MAX: variants seen among roughly 807,000 people sequenced by gnomAD.
MAX encodes protein max.
In MAX, 3 loss-of-function variants were observed where a neutral mutation model predicts 22.3. The ratio of observed to expected loss-of-function variants is 0.13; its 90% confidence interval spans 0.06 to 0.35. The LOEUF is 0.35. MAX is among the 10% of genes least tolerant of loss of function. The pLI, the probability that MAX is intolerant of heterozygous loss-of-function variation, is 1.00. For missense variants in MAX, 119 were observed against 209.4 expected, an observed-to-expected ratio of 0.57 and a Z score of 2.66; for synonymous variants, 72 against 77.7, an observed-to-expected ratio of 0.93 and a Z score of 0.39.
chr14:65,066,225 TGTGATGCCGTGTGGCTCAGTGAGGCC>T (rs1375984147), intron 3 of MAX, among the ~76,000 whole-genome samples: 1 of 152,188 alleles, frequency 6.6e-6, no homozygotes, highest in Non-Finnish European at 1.5e-5. Context: ...ACCAGTGCAG[TGTGATGCCGTGTGGCTCAGTGAGGCC>T]GTGATGAGTC....
Position 65,058,256 on chromosome 14 carries a change from AT to A in MAX, c.171+35451del, listed in dbSNP as rs202128758. On this transcript the variant is annotated intron_variant, in intron 3 of 3. Transcript: ENST00000341653. ...ATAATTTTTTCCATAAAGGACTAGCATTTTTTTTTTTTCGGTTAGAGTTATG... is the reference window on the plus strand; with the variant it reads ...ATAATTTTTTCCATAAAGGACTAGCATTTTTTTTTTTCGGTTAGAGTTATG... Among the ~76,000 whole-genome samples, 692 of 127,430 alleles carry A rather than the reference AT, an allele frequency of 5.4e-3. 5 individuals carry two copies. The highest frequency in any genetic ancestry group is 0.017 in the East Asian group (76 of 4,468). The allele number at this position is 127,430 out of a possible 152,430, so 83.6% of individuals were successfully genotyped here.
rs1333318857 is a variant in MAX, at chr14:65,082,678, G to A, written c.172-4642C>T. ...GCTACTTGGGAGGCAAAGGTGGGAG[G>A]ATCTCTTGAGCCCATGGGGCTGAAG... On this transcript the variant is annotated intron_variant, in intron 3 of 4. Coordinates refer to ENST00000358664, the MANE Select transcript of MAX (RefSeq NM_002382.5). This position sits in a 1 kb window ranked among gnomAD's most constrained non-coding sequence, Gnocchi z 4.8. 1.3e-5 allele frequency among the ~76,000 whole-genome samples: 2 copies of A among 151,692 alleles called. No individual in the cohort carries two copies. The highest frequency in any genetic ancestry group is 1.9e-4 in the East Asian group (1 of 5,162).
intron 3 of MAX, among the ~76,000 whole-genome samples, chr14:65,024,153 A>G (rs2061938000): frequency 6.6e-6 from 1 of 152,032 alleles, no homozygotes; most frequent in South Asian, 2.1e-4. Context: ...CTACTGAATT[A>G]GAGCTGCAGT....
rs958411052 is a variant in MAX, at chr14:65,078,578, G to A, written c.172-542C>T. ...GTAGTCTCGCTCTGTTGCCCAGGCT[G>A]GAGTAGAGTGGTGTGATCTCAGCTC... On this transcript the variant is annotated intron_variant, in intron 3 of 4. Transcript: ENST00000358664. The surrounding 1 kb of genome is among the most constrained non-coding windows in gnomAD (Gnocchi z 6.4). Among the ~76,000 whole-genome samples, 6 of 150,578 alleles carry A rather than the reference G, an allele frequency of 4.0e-5. No individual in the cohort carries two copies. Among genetic ancestry groups the A allele is most frequent in the African/African-American group, 1.5e-4 (6 of 40,880 alleles).
intron 3 of MAX, among the ~76,000 whole-genome samples, chr14:65,086,135 C>T (rs946422924): frequency 1.1e-4 from 16 of 152,298 alleles, no homozygotes; most frequent in African/African-American, 3.8e-4. Context: ...CTTCTCCTTG[C>T]CTTCCACCAT....
At chr14:65,040,904 C>T (rs376359664) in intron 3 of MAX, 1 of 1,613,754 alleles carries the variant, frequency 6.2e-7, no homozygotes, top group Non-Finnish European at 8.5e-7. Context: ...GTTCCTTGAA[C>T]TTGAAGAGCT....
chr14:65,027,851 G>A lies in MAX; in HGVS notation c.172-21567C>T. The A allele has an allele frequency of 1.9e-6, 3 of 1,596,666 alleles. No homozygotes were observed. The Admixed American group carries it at 5.1e-5, about 27-fold the overall frequency. ...GCTCATCTGCCATTAGAGATGCCAA[G>A]CCTAAGGAACATCATGGGGAAGCTG... On this transcript the variant is annotated intron_variant, in intron 3 of 3. Coordinates refer to the MAX transcript ENST00000341653. This position sits in a 1 kb window ranked among gnomAD's most constrained non-coding sequence, Gnocchi z 5.7.
intron 3 of MAX, among the ~76,000 whole-genome samples, chr14:65,056,983 G>A (rs2062750458): frequency 6.6e-6 from 1 of 152,300 alleles, no homozygotes; most frequent in South Asian, 2.1e-4. Flanking sequence ...AAACAGAGGA[G>A]AGCCTGAGAG....
Position 65,032,709 on chromosome 14 carries a change from AG to A in MAX, c.172-26426del. The A allele has an allele frequency of 6.2e-7, 1 of 1,612,830 alleles. No individual in the cohort carries two copies. Among genetic ancestry groups the A allele is most frequent in the Non-Finnish European group, 8.5e-7 (1 of 1,179,712 alleles). On this transcript the variant is annotated intron_variant, in intron 3 of 3. Coordinates refer to the MAX transcript ENST00000341653. This position sits in a 1 kb window ranked among gnomAD's most constrained non-coding sequence, Gnocchi z 5.0. ...AATGGATAGCAAGGTGAGAGAAGCC[AG>A]GGTTTCTCCTGGCCTCTTGGAGAGC...
In MAX at chr14:65,094,189, G is replaced by A. The variant is rs947675684; in HGVS notation, c.64-374C>T. The A allele has an allele frequency of 4.3e-5, 14 of 324,326 alleles. No homozygotes were observed. The East Asian group carries it at 9.9e-4, about 23-fold the overall frequency. The allele number at this position is 324,326 out of a possible 1,614,324, so 20.1% of individuals were successfully genotyped here. On this transcript the variant is annotated intron_variant, in intron 2 of 4. Coordinates refer to ENST00000358664, the MANE Select transcript of MAX (RefSeq NM_002382.5). ...GAAGTGACTAGAGAAAGCTCCAGTGGCCCCTTCTTAAGATGTGATCACCTC... is the reference window on the plus strand; with the variant it reads ...GAAGTGACTAGAGAAAGCTCCAGTGACCCCTTCTTAAGATGTGATCACCTC...
intron 3 of MAX, among the ~76,000 whole-genome samples, chr14:65,064,401 T>C (rs1006966167): frequency 2.0e-5 from 3 of 152,102 alleles, no homozygotes; most frequent in African/African-American, 7.2e-5. Flanking sequence ...AACTGCAGAG[T>C]CCAGGAATTA....
At position 65,014,778 on chromosome 14, in the gene MAX, C is replaced by T. The variant is rs748766443; in HGVS notation, c.172-8494G>A. ...GCAGTGAGCTGAGATCATACCACTGCACTCTAGCCTGGGTGACAGAGCGAG... is the reference window on the plus strand; with the variant it reads ...GCAGTGAGCTGAGATCATACCACTGTACTCTAGCCTGGGTGACAGAGCGAG... On this transcript the variant is annotated intron_variant, in intron 3 of 3. Coordinates refer to the MAX transcript ENST00000341653. The surrounding 1 kb of genome is among the most constrained non-coding windows in gnomAD (Gnocchi z 5.1). 3.3e-5 allele frequency among the ~76,000 whole-genome samples: 5 copies of T among 152,144 alleles called. No individual in the cohort carries two copies. The highest frequency in any genetic ancestry group is 1.2e-4 in the African/African-American group (5 of 41,438).
At chr14:65,008,073 A>T (rs1221818961) in intron 3 of MAX, among the ~76,000 whole-genome samples, 2 of 152,180 alleles carry the variant, frequency 1.3e-5, no homozygotes, top group East Asian at 3.8e-4. Context: ...CAGGTAGAGG[A>T]TGTATTCCCT....
chr14:65,006,118 A>C, downstream of MAX: 1 of 1,594,000 alleles, frequency 6.3e-7, no homozygotes. Flanking sequence ...TTACTGGAAC[A>C]TTATAAATAG....
At chr14:65,099,407 G>A (rs184879021) in intron 2 of MAX, among the ~76,000 whole-genome samples, 2 of 152,018 alleles carry the variant, frequency 1.3e-5, no homozygotes, top group Non-Finnish European at 2.9e-5. Flanking sequence ...ACAAAACAAT[G>A]AGATTAGCAT....
chr14:65,057,162 CCT>C (rs2062754647), intron 3 of MAX, among the ~76,000 whole-genome samples: 1 of 152,224 alleles, frequency 6.6e-6, no homozygotes, highest in Non-Finnish European at 1.5e-5. Flanking sequence ...ACAAACCCCA[CCT>C]CTCAACATAG....
intron 3 of MAX, among the ~76,000 whole-genome samples, chr14:65,036,346 C>T (rs1443694752): frequency 1.3e-5 from 2 of 151,786 alleles, no homozygotes; most frequent in East Asian, 2.0e-4. Context: ...AAGTGATCCT[C>T]CTGCTTCAGC....
intron 3 of MAX, among the ~76,000 whole-genome samples, chr14:65,064,826 T>C (rs1178670325): frequency 6.6e-6 from 1 of 152,232 alleles, no homozygotes; most frequent in Non-Finnish European, 1.5e-5. Flanking sequence ...CAAATGGCCA[T>C]TGCTCTCAAA....
chr14:65,013,163 G>A (rs1055007078), intron 3 of MAX, among the ~76,000 whole-genome samples: 17 of 152,088 alleles, frequency 1.1e-4, no homozygotes, highest in African/African-American at 3.6e-4. Context: ...GCAATGATTT[G>A]CCAACTCAAA....
Sources: allele counts gnomAD v4.1 joint callset (sites outside exome capture counted in the v4.1 genomes callset), GRCh38; gene constraint gnomAD v4.1.1; non-coding constraint Gnocchi (gnomAD v3.1); transcripts MANE v1.5; gene names NCBI Gene and HGNC (gene_info 2026-07-23, HGNC 2026-07-21).